Variants in DZIP3 observed in about 807,000 individuals in gnomAD.
DZIP3 encodes DAZ interacting zinc finger protein 3, also known as E3 ubiquitin-protein ligase DZIP3.
DZIP3 carries 118 observed loss-of-function variants against 162.0 expected under a neutral mutation model. The observed-to-expected ratio is 0.73, with a 90% CI of 0.63 to 0.85. DZIP3 has a LOEUF of 0.85. DZIP3 is among the 40% of genes least tolerant of loss of function. The pLI, the probability that DZIP3 is intolerant of heterozygous loss-of-function variation, is 0.00. For synonymous variants in DZIP3, 438 were observed against 458.6 expected (o/e 0.96, Z 0.57); for missense variants, 1,331 against 1,407.0 (o/e 0.95, Z 0.86).
At position 108,625,825 on chromosome 3, in the gene DZIP3, C is replaced by A; in HGVS notation, c.457-20C>A. 1.9e-6 allele frequency: 3 copies of A among 1,550,472 alleles called. No homozygotes were observed. Among genetic ancestry groups the A allele is most frequent in the Admixed American group, 2.0e-5 (1 of 48,822 alleles). On this transcript the variant is annotated intron_variant, in intron 6 of 32. Coordinates refer to ENST00000361582, the MANE Select transcript of DZIP3 (RefSeq NM_014648.4). ...AAAATGACTTTTACAGTAGCCAAAC[C>A]TAGTTTTATGTTACTACAGGATTAT...
rs768980959 is a variant in DZIP3 at position 108,642,451 on chromosome 3, A to G, written c.1078A>G (p.Ile360Val). Residue 360 changes from isoleucine to valine, a missense_variant, in exon 13 of 33, where the codon ATA becomes GTA. By Grantham distance (29) the Ile-to-Val change is conservative. This residue lies in a region of DZIP3 where 1,278 missense variants were observed against 1,317.1 expected (regional missense o/e 0.97). Coordinates refer to ENST00000361582, the MANE Select transcript of DZIP3 (RefSeq NM_014648.4). ...ENLGASYRKL[I>V]SLKITDTDIR... ...TTCCTTTTGCAGTTATAGAAAGTTG[A>G]TATCTCTGAAAATAACTGATACTGA... 2.0e-6 allele frequency: 3 copies of G among 1,482,574 alleles called. No individual in the cohort carries two copies. Among genetic ancestry groups the G allele is most frequent in the African/African-American group, 1.4e-5 (1 of 71,294 alleles). The allele number at this position is 1,482,574 out of a possible 1,614,324, so 91.8% of individuals were successfully genotyped here.
rs772538913 is a variant in DZIP3 at position 108,622,876 on chromosome 3, C to CTG, written c.376-1567_376-1566insGT. Among the ~76,000 whole-genome samples the CTG allele has an allele frequency of 5.8e-3, 508 of 87,304 alleles. 3 individuals carry two copies. Among genetic ancestry groups the CTG allele is most frequent in the African/African-American group, 0.012 (254 of 21,438 alleles). The allele number at this position is 87,304 out of a possible 152,430, so 57.3% of individuals were successfully genotyped here. On this transcript the variant is annotated intron_variant, in intron 5 of 32. Coordinates refer to ENST00000361582, the MANE Select transcript of DZIP3 (RefSeq NM_014648.4). ...TCTCTCTCTCTCTCTCTCTCTCTCTCTCTCTGTGTGTGTGTGTGTGTATGG... is the reference window on the plus strand; with the variant it reads ...TCTCTCTCTCTCTCTCTCTCTCTCTCTGTCTCTGTGTGTGTGTGTGTGTATGG...
At chr3:108,622,158 T>G (rs188763105) in intron 5 of DZIP3, among the ~76,000 whole-genome samples, 13 of 152,300 alleles carry the variant, frequency 8.5e-5, no homozygotes, top group Admixed American at 1.3e-4. Flanking sequence ...TCTCACTCAT[T>G]TTTGGGAGCC....
chr3:108,590,267 A>T (rs1381506731), intron 1 of DZIP3, among the ~76,000 whole-genome samples: 1 of 152,194 alleles, frequency 6.6e-6, no homozygotes, highest in Non-Finnish European at 1.5e-5. Context: ...TTTGCTTAAT[A>T]TTTCCTAACG....
intron 26 of DZIP3, among the ~76,000 whole-genome samples, chr3:108,681,928 C>CG (rs1192192747): frequency 5.7e-5 from 1 of 17,598 alleles, no homozygotes; most frequent in South Asian, 1.8e-3. Context: ...TGGGGCCTGT[C>CG]GGGGGGTGGG....
chr3:108,667,972 C>T (rs568920056), intron 21 of DZIP3, among the ~76,000 whole-genome samples: 339 of 152,106 alleles, frequency 2.2e-3, no homozygotes, highest in Non-Finnish European at 3.5e-3. Context: ...AGCTTTTGAA[C>T]GTTTTCTTCG....
At chr3:108,685,225 A>G (rs1944454901) in intron 27 of DZIP3, among the ~76,000 whole-genome samples, 1 of 152,136 alleles carries the variant, frequency 6.6e-6, no homozygotes, top group Non-Finnish European at 1.5e-5. Flanking sequence ...AACTCTTGCA[A>G]TTTGCTTGCC....
At chr3:108,693,115 T>C (rs1944763098) in intron 32 of DZIP3, among the ~76,000 whole-genome samples, 1 of 151,564 alleles carries the variant, frequency 6.6e-6, no homozygotes, top group Non-Finnish European at 1.5e-5. Context: ...GATTTTTTTT[T>C]AATTCACTAA....
At chr3:108,590,793 A>G (rs571023941) in intron 1 of DZIP3, among the ~76,000 whole-genome samples, 13 of 152,250 alleles carry the variant, frequency 8.5e-5, no homozygotes, top group Admixed American at 3.3e-4. Context: ...TCACTGCTGC[A>G]GAATCTTCAT....
intron 7 of DZIP3, among the ~76,000 whole-genome samples, chr3:108,628,078 T>C (rs575793133): frequency 6.6e-6 from 1 of 152,076 alleles, no homozygotes; most frequent in African/African-American, 2.4e-5. Context: ...GGGGTTTCAC[T>C]ATGTTGGTCA....
At chr3:108,596,850 G>C (rs1939739723) in intron 1 of DZIP3, among the ~76,000 whole-genome samples, 1 of 152,114 alleles carries the variant, frequency 6.6e-6, no homozygotes, top group East Asian at 1.9e-4. Context: ...AAAACTGAGG[G>C]ATTATTCAGT....
chr3:108,592,013 C>T (rs543056105), intron 1 of DZIP3, among the ~76,000 whole-genome samples: 2 of 151,518 alleles, frequency 1.3e-5, no homozygotes, highest in South Asian at 4.2e-4. Flanking sequence ...GAGTCTGGGT[C>T]CCAATGACCA....
In DZIP3 at chr3:108,625,945, G is replaced by GT; in HGVS notation, c.560dup (p.Leu187PhefsTer10). ...ATGTCTTTAGTTTATTTTGGACGTG[G>GT]TTTACTGCGATGTGCTCAAAAGAGG... On this transcript the variant is annotated frameshift_variant, in exon 7 of 33. Transcript: ENST00000361582. LOFTEE classifies it high-confidence loss of function. 6.2e-7 allele frequency: 1 copy of GT among 1,613,382 alleles called. No homozygotes were observed. The highest frequency in any genetic ancestry group is 8.5e-7 in the Non-Finnish European group (1 of 1,179,762).
At chr3:108,670,055 T>C (rs559151899) in intron 22 of DZIP3, among the ~76,000 whole-genome samples, 31 of 152,078 alleles carry the variant, frequency 2.0e-4, no homozygotes, top group African/African-American at 7.0e-4. Context: ...CAGTCAGTAC[T>C]ATTAGATGTG....
chr3:108,622,104 G>A (rs939003183), intron 5 of DZIP3, among the ~76,000 whole-genome samples: 2 of 152,024 alleles, frequency 1.3e-5, no homozygotes, highest in African/African-American at 4.8e-5. Context: ...AGGTCATTAT[G>A]TGAAGTGAAA....
intron 3 of DZIP3, 146 bp from the exon 4 acceptor site, chr3:108,611,028 T>C (rs1940674773): frequency 3.0e-6 from 2 of 674,544 alleles, no homozygotes; most frequent in Non-Finnish European, 4.8e-6. Flanking sequence ...TATTCTTCCT[T>C]AGATTTTTTA....
At chr3:108,662,007 A>G (rs374682697) in intron 20 of DZIP3, 35 bp downstream of exon 20, 111 of 1,600,170 alleles carry the variant, frequency 6.9e-5, no homozygotes, top group Non-Finnish European at 9.2e-5. Flanking sequence ...GATGGAAGTG[A>G]GAAGTATTTC....
chr3:108,620,190 A>C lies in DZIP3; in HGVS notation c.375+3533A>C, dbSNP rs537284364. On this transcript the variant is annotated intron_variant, in intron 5 of 32. Coordinates refer to ENST00000361582, the MANE Select transcript of DZIP3 (RefSeq NM_014648.4). The stretch of plus-strand genomic sequence containing the variant: ...CACCTCCAGCAATGAAAATGTAGCA[A>C]CATCCACAGTGTTTCTGCCCAGGGA... 2.6e-5 allele frequency among the ~76,000 whole-genome samples: 4 copies of C among 152,326 alleles called. No individual in the cohort carries two copies. The South Asian group carries it at 6.2e-4, about 24-fold the overall frequency.
Position 108,628,608 on chromosome 3 carries a change from T to C in DZIP3, c.582-454T>C, listed in dbSNP as rs1408690209. ...AGTCTTGTTGAGGCTGTGCATTCAA[T>C]ATCAGTTTGTTTCACTTTATGATTA... On this transcript the variant is annotated intron_variant, in intron 7 of 32. Transcript: ENST00000361582. Among the ~76,000 whole-genome samples, 3 of 152,248 alleles carry C rather than the reference T, an allele frequency of 2.0e-5. No homozygotes were observed. The East Asian group carries it at 5.8e-4, about 29-fold the overall frequency.
Sources: allele counts gnomAD v4.1 joint callset (sites outside exome capture counted in the v4.1 genomes callset), GRCh38; gene constraint gnomAD v4.1.1; regional missense constraint gnomAD v4.1.1; transcripts MANE v1.5; gene names NCBI Gene and HGNC (gene_info 2026-07-23, HGNC 2026-07-21).